ADAMTS17: variants seen among roughly 807,000 people sequenced by gnomAD.
The protein encoded by ADAMTS17 is ADAM metallopeptidase with thrombospondin type 1 motif 17, also known as A disintegrin and metalloproteinase with thrombospondin motifs 17.
A neutral mutation model predicts 141.5 loss-of-function variants in ADAMTS17; 113 were observed. That is an observed-to-expected ratio of 0.80 (90% CI 0.69 to 0.93). The LOEUF (loss-of-function observed/expected upper bound fraction) is 0.93, where lower values mean the gene tolerates loss of function less well. Among genes scored for constraint, ADAMTS17 ranks in the 40% least tolerant of loss-of-function variants. The pLI is 0.00. For missense variants in ADAMTS17, 1,659 were observed against 1,517.9 expected (o/e 1.09, Z -1.54); for synonymous variants, 768 against 630.6 (o/e 1.22, Z -3.27).
intron 18 of ADAMTS17, among the ~76,000 whole-genome samples, chr15:100,013,431 AG>A (rs2141413875): frequency 6.6e-6 from 1 of 152,220 alleles, no homozygotes; most frequent in Admixed American, 6.5e-5. Context: ...GTTGAAGAGG[AG>A]TAGTGAGAGT....
chr15:100,241,564 T>C (rs1024378455), intron 7 of ADAMTS17, among the ~76,000 whole-genome samples: 1 of 152,220 alleles, frequency 6.6e-6, no homozygotes, highest in Non-Finnish European at 1.5e-5. Flanking sequence ...CTGCCAGTTC[T>C]GTGGACAACC....
At chr15:100,216,787 AAG>A in intron 7 of ADAMTS17, among the ~76,000 whole-genome samples, 1 of 152,336 alleles carries the variant, frequency 6.6e-6, no homozygotes, top group East Asian at 1.9e-4. Flanking sequence ...ATCAAGGGGA[AAG>A]AGAACTCTTC....
chr15:100,315,785 T>A (rs1344641172), intron 3 of ADAMTS17, among the ~76,000 whole-genome samples: 1 of 152,200 alleles, frequency 6.6e-6, no homozygotes, highest in Admixed American at 6.5e-5. Context: ...AGAATTTAAC[T>A]CATACTTACA....
At chr15:100,320,616 T>C (rs1012118666) in intron 3 of ADAMTS17, among the ~76,000 whole-genome samples, 1 of 152,122 alleles carries the variant, frequency 6.6e-6, no homozygotes, top group Non-Finnish European at 1.5e-5. Flanking sequence ...GCCAATTGCT[T>C]AGTTCCAGGA....
At chr15:100,280,101 G>A (rs1174382560) in intron 4 of ADAMTS17, among the ~76,000 whole-genome samples, 3 of 151,996 alleles carry the variant, frequency 2.0e-5, no homozygotes, top group Non-Finnish European at 4.4e-5. Context: ...GCTGCTGTAG[G>A]CTGAAAAGCC....
At chr15:100,236,397 C>T (rs1596334238) in intron 7 of ADAMTS17, among the ~76,000 whole-genome samples, 3 of 152,034 alleles carry the variant, frequency 2.0e-5, no homozygotes, top group African/African-American at 7.2e-5. Context: ...CTGCCCAGGC[C>T]CACCGAATGC....
At chr15:100,140,935 A>T (rs111250025) in intron 10 of ADAMTS17, among the ~76,000 whole-genome samples, 4 of 152,240 alleles carry the variant, frequency 2.6e-5, no homozygotes, top group African/African-American at 7.2e-5. Context: ...GCGACACGTG[A>T]TGCACTAGAA....
intron 7 of ADAMTS17, among the ~76,000 whole-genome samples, chr15:100,226,909 T>C (rs2042328949): frequency 6.6e-6 from 1 of 152,142 alleles, no homozygotes. Flanking sequence ...TCTAGAAAAA[T>C]GACAATTTCA....
At chr15:100,155,455 C>CT in intron 8 of ADAMTS17, 135 bp from the exon 9 acceptor site, 1 of 1,196,910 alleles carries the variant, frequency 8.4e-7, no homozygotes, top group Middle Eastern at 2.6e-4. Flanking sequence ...GGTTCTCACA[C>CT]AGCAGACCCA....
intron 4 of ADAMTS17, among the ~76,000 whole-genome samples, chr15:100,274,147 T>C (rs993952089): frequency 5.3e-5 from 8 of 152,184 alleles, no homozygotes; most frequent in Non-Finnish European, 2.9e-5. Context: ...GAAAAAAAAG[T>C]CTTCCATTGT....
rs2060246497 is a variant in ADAMTS17, at chr15:99,973,149, G to GGGCT, written c.*1249_*1252dup. ...TGCTTGTCTGCTGCCAGGCGTAAGGGGGCTGCAGGGGGGAAGGACCTTCCT... is the reference window on the plus strand; with the variant it reads ...TGCTTGTCTGCTGCCAGGCGTAAGGGGGCTGGCTGCAGGGGGGAAGGACCTTCCT... On this transcript the variant is annotated 3_prime_UTR_variant, in exon 22 of 22. Transcript: ENST00000268070. The GGGCT allele has an allele frequency of 9.1e-6, 1 of 109,516 alleles. No individual in the cohort carries two copies. Among genetic ancestry groups the GGGCT allele is most frequent in the African/African-American group, 3.4e-5 (1 of 29,740 alleles). 6.8% of individuals were successfully genotyped at this position (109,516 alleles called of 1,614,324 possible). A position where few individuals can be genotyped will look rare whatever the true frequency, so the allele number is the denominator to read the frequency against.
At chr15:99,987,381 A>C (rs28560143) in intron 20 of ADAMTS17, among the ~76,000 whole-genome samples, 5,841 of 152,280 alleles carry the variant, frequency 0.038, 387 homozygotes, top group African/African-American at 0.13. Context: ...AACTGGTTAC[A>C]TTAACAACCT....
intron 7 of ADAMTS17, among the ~76,000 whole-genome samples, chr15:100,199,646 C>T (rs768621469): frequency 2.6e-5 from 4 of 152,170 alleles, no homozygotes; most frequent in African/African-American, 7.2e-5. Flanking sequence ...TAATACGCGT[C>T]GGGGGTGTGC....
At chr15:100,173,495 T>C (rs2040232548) in intron 8 of ADAMTS17, among the ~76,000 whole-genome samples, 1 of 152,174 alleles carries the variant, frequency 6.6e-6, no homozygotes, top group Non-Finnish European at 1.5e-5. Context: ...AACCCCCACC[T>C]GCTCACTTAC....
At chr15:100,223,619 G>A (rs4246307) in intron 7 of ADAMTS17, among the ~76,000 whole-genome samples, 60,849 of 151,544 alleles carry the variant, frequency 0.4, 13,206 homozygotes, top group Non-Finnish European at 0.49. Flanking sequence ...ACATATGTGC[G>A]TGTATTAGGG....
Position 100,138,826 on chromosome 15 carries a change from T to C in ADAMTS17, c.1474-5511A>G, listed in dbSNP as rs376764096. On this transcript the variant is annotated intron_variant, in intron 10 of 21. Transcript: ENST00000268070. ...TATGGCCGCAATGATCTCTGTCTCT[T>C]AGGATTACACCCTCGTGTGACCCCC... 4.7e-4 allele frequency among the ~76,000 whole-genome samples: 71 copies of C among 152,304 alleles called. 2 individuals are homozygous for C. The highest frequency in any genetic ancestry group is 1.6e-3 in the African/African-American group (66 of 41,564).
chr15:100,156,863 ACT>A (rs1266108247), intron 8 of ADAMTS17, among the ~76,000 whole-genome samples: 1 of 152,158 alleles, frequency 6.6e-6, no homozygotes, highest in African/African-American at 2.4e-5. Context: ...CTAGATTCAA[ACT>A]CTTATTATAG....
intron 7 of ADAMTS17, among the ~76,000 whole-genome samples, chr15:100,242,474 T>A (rs1486157079): frequency 1.3e-5 from 2 of 152,194 alleles, no homozygotes; most frequent in Non-Finnish European, 2.9e-5. Flanking sequence ...TAATCTCTAC[T>A]GGCATGTCCT....
chr15:100,018,745 A>C (rs1428394521), intron 18 of ADAMTS17, among the ~76,000 whole-genome samples: 2 of 152,176 alleles, frequency 1.3e-5, no homozygotes, highest in Admixed American at 6.5e-5. Context: ...ACATCCCCCA[A>C]ACATCTGAAA....
Sources: allele counts gnomAD v4.1 joint callset (sites outside exome capture counted in the v4.1 genomes callset), GRCh38; gene constraint gnomAD v4.1.1; transcripts MANE v1.5; gene names NCBI Gene and HGNC (gene_info 2026-07-23, HGNC 2026-07-21).